The following CLASP2 variants were observed in gnomAD, a reference collection of about 807,000 sequenced individuals.
CLASP2 encodes CLIP-associating protein 2.
In CLASP2, 47 loss-of-function variants were observed where a neutral mutation model predicts 194.4. The ratio of observed to expected loss-of-function variants is 0.24; its 90% CI spans 0.19 to 0.31. The LOEUF (loss-of-function observed/expected upper bound fraction) is 0.31. Ranked by LOEUF, CLASP2 falls within the 10% of genes least tolerant of loss-of-function variation. CLASP2 has a pLI of 1.00. For missense variants in CLASP2, 1,445 were observed against 1,823.6 expected (o/e 0.79, Z 3.78); for synonymous variants, 619 against 633.5 (o/e 0.98, Z 0.34).
intron 24 of CLASP2, 74 bp downstream of exon 24, chr3:33,576,095 G>T: frequency 1.7e-6 from 2 of 1,156,940 alleles, no homozygotes; most frequent in Non-Finnish European, 2.6e-6. Context: ...TTTCCCACAT[G>T]GATAGACTGG....
At chr3:33,668,721 G>C (rs1464312299) in intron 6 of CLASP2, among the ~76,000 whole-genome samples, 2 of 152,130 alleles carry the variant, frequency 1.3e-5, no homozygotes, top group Admixed American at 6.6e-5. Context: ...CACGTACCCA[G>C]AGTCCTCCAC....
intron 34 of CLASP2, among the ~76,000 whole-genome samples, chr3:33,527,870 G>A (rs1158669312): frequency 1.3e-5 from 2 of 152,154 alleles, no homozygotes; most frequent in East Asian, 3.9e-4. Context: ...GGCTGAGGCA[G>A]GAGAATTACT....
At chr3:33,561,623 C>G (rs753288283) in intron 27 of CLASP2, among the ~76,000 whole-genome samples, 3 of 152,094 alleles carry the variant, frequency 2.0e-5, no homozygotes, top group Non-Finnish European at 4.4e-5. Flanking sequence ...AGTCTCCATA[C>G]CCATTTATGG....
In CLASP2 at chr3:33,510,741, C is replaced by A. The variant is rs372323844; in HGVS notation, c.4134G>T (p.Ala1378=). ...TAATTGAAGTGGCCAACACTGATGC[C>A]GCTTCCTCAGCAGATCTCACCACCT... is the stretch of plus-strand genomic sequence containing the variant. The part of the protein sequence containing the change: ...HKEVVRSAEE[A]ASVLATSISP... Residue 1378 remains alanine (A), a synonymous_variant, in exon 37 of 39, where the codon GCG becomes GCT. Transcript: ENST00000682230. 3.1e-6 allele frequency: 5 copies of A among 1,611,436 alleles called. No homozygotes were observed. The highest frequency in any genetic ancestry group is 4.2e-6 in the Non-Finnish European group (5 of 1,178,778).
intron 2 of CLASP2, 58 bp downstream of exon 2, chr3:33,696,797 G>GA: frequency 2.6e-6 from 3 of 1,156,986 alleles, no homozygotes; most frequent in Non-Finnish European, 3.8e-6. Flanking sequence ...AAAAACTAAC[G>GA]AAAAAAGTCA....
chr3:33,614,866 C>T (rs2154269563), intron 12 of CLASP2, among the ~76,000 whole-genome samples: 1 of 152,198 alleles, frequency 6.6e-6, no homozygotes, highest in East Asian at 1.9e-4. Flanking sequence ...TGGCAGGTGC[C>T]TGAAAGCCCA....
chr3:33,685,587 A>T (rs1328578700), intron 5 of CLASP2, among the ~76,000 whole-genome samples: 1 of 152,176 alleles, frequency 6.6e-6, no homozygotes, highest in Non-Finnish European at 1.5e-5. Context: ...GGATAAACCA[A>T]ATGTGCTATA....
At chr3:33,606,145 T>C (rs1004644245) in intron 16 of CLASP2, among the ~76,000 whole-genome samples, 1 of 152,034 alleles carries the variant, frequency 6.6e-6, no homozygotes, top group South Asian at 2.1e-4. Context: ...CTAAGTCAGA[T>C]ACTAGATAAT....
At chr3:33,606,001 T>C (rs541419039) in intron 16 of CLASP2, among the ~76,000 whole-genome samples, 4 of 152,172 alleles carry the variant, frequency 2.6e-5, no homozygotes, top group Non-Finnish European at 5.9e-5. Context: ...ACAGGGCCAG[T>C]GCTAGGAAGT....
At chr3:33,707,854 A>T (rs2092766968) in intron 1 of CLASP2, among the ~76,000 whole-genome samples, 1 of 152,168 alleles carries the variant, frequency 6.6e-6, no homozygotes, top group South Asian at 2.1e-4. Flanking sequence ...ACTGAGGGGG[A>T]AACATTAAAA....
chr3:33,672,253 G>C (rs956968842), intron 6 of CLASP2, among the ~76,000 whole-genome samples: 1 of 152,170 alleles, frequency 6.6e-6, no homozygotes, highest in Admixed American at 6.5e-5. Context: ...AAAACTTCCA[G>C]AGGAACGAGC....
chr3:33,711,960 C>T lies in CLASP2; in HGVS notation c.195+5848G>A, dbSNP rs184363892. Among the ~76,000 whole-genome samples the T allele has an allele frequency of 1.9e-3, 292 of 152,164 alleles. 2 individuals carry two copies. Among genetic ancestry groups the T allele is most frequent in the African/African-American group, 6.1e-3 (254 of 41,532 alleles). ...CTCTGAAAAACAGTATGGAGATTCC[C>T]TAAAGAATCCTAAAAGTAGAACTAC... is the stretch of plus-strand genomic sequence containing the variant. On this transcript the variant is annotated intron_variant, in intron 1 of 38. Coordinates refer to ENST00000682230, the MANE Select transcript of CLASP2 (RefSeq NM_001365631.1).
intron 17 of CLASP2, among the ~76,000 whole-genome samples, chr3:33,603,832 A>G (rs1453909210): frequency 6.6e-6 from 1 of 152,176 alleles, no homozygotes; most frequent in Non-Finnish European, 1.5e-5. Flanking sequence ...CATGTTGGCC[A>G]GGCTGGTCAG....
chr3:33,697,249 T>C (rs942971727), intron 1 of CLASP2, among the ~76,000 whole-genome samples: 24 of 152,208 alleles, frequency 1.6e-4, no homozygotes, highest in African/African-American at 5.3e-4. Flanking sequence ...ATGACAGGGA[T>C]AAATTCTAAC....
At chr3:33,605,802 G>T (rs2073696572) in intron 16 of CLASP2, among the ~76,000 whole-genome samples, 1 of 151,998 alleles carries the variant, frequency 6.6e-6, no homozygotes, top group Non-Finnish European at 1.5e-5. Flanking sequence ...GTAGAGATGG[G>T]GTTTCACCAT....
At chr3:33,654,016 C>T (rs2083685066) in intron 7 of CLASP2, among the ~76,000 whole-genome samples, 1 of 149,132 alleles carries the variant, frequency 6.7e-6, no homozygotes, top group South Asian at 2.1e-4. Flanking sequence ...GGCACATTCC[C>T]TTTGCTCTGA....
Position 33,680,189 on chromosome 3 carries a change from G to A in CLASP2, c.644+4170C>T, listed in dbSNP as rs369614304. Among the ~76,000 whole-genome samples, 3 of 152,198 alleles carry A rather than the reference G, an allele frequency of 2.0e-5. No homozygotes were observed. In the East Asian group the frequency reaches 5.8e-4, roughly 29 times the overall value. On this transcript the variant is annotated intron_variant, in intron 6 of 38. Coordinates refer to ENST00000682230, the MANE Select transcript of CLASP2 (RefSeq NM_001365631.1). ...CAGTAAAAAGATGAATGTTGCCAAG[G>A]ATTAGGCCAGAGGGAGGGATAAACA... is the stretch of plus-strand genomic sequence containing the variant.
chr3:33,544,476 AC>A (rs1402141356), intron 31 of CLASP2, among the ~76,000 whole-genome samples: 1 of 152,160 alleles, frequency 6.6e-6, no homozygotes, highest in Non-Finnish European at 1.5e-5. Flanking sequence ...GCCACTGTTT[AC>A]CACTATCCTA....
intron 25 of CLASP2, among the ~76,000 whole-genome samples, chr3:33,571,031 T>TTTTTTTTTTTTTTTTTTTTA (rs2063649145): frequency 6.8e-6 from 1 of 147,112 alleles, no homozygotes; most frequent in Admixed American, 7.0e-5. Context: ...TTTTTTTTTT[T>TTTTTTTTTTTTTTTTTTTTA]TTGAGACGGA....
Sources: gnomAD v4.1 joint callset for allele counts (sites outside exome capture counted in the v4.1 genomes callset) on GRCh38, gnomAD v4.1.1 for gene constraint, MANE v1.5 for transcripts, NCBI Gene and HGNC (gene_info 2026-07-23, HGNC 2026-07-21) for gene names.